Variants in FOXL3 observed in about 807,000 individuals in gnomAD.
FOXL3 encodes forkhead box protein L3.
Under a neutral mutation model 10.9 loss-of-function variants are expected in FOXL3, and 16 were observed. The observed-to-expected ratio is 1.46, with a 90% CI of 0.99 to 2.22. The LOEUF (loss-of-function observed/expected upper bound fraction) is 2.22. Among genes scored for constraint, FOXL3 ranks in the 30% most tolerant of loss-of-function variants. The pLI is 0.00. For synonymous variants in FOXL3, 170 were observed against 152.0 expected (o/e 1.12, Z -0.87); for missense variants, 400 against 337.9 (o/e 1.18, Z -1.44).
In FOXL3 at chr7:290,228, C is replaced by T; in HGVS notation, c.59C>T (p.Pro20Leu). The T allele has an allele frequency of 6.5e-7, 1 of 1,535,976 alleles. No homozygotes were observed. The highest frequency in any genetic ancestry group is 8.7e-7 in the Non-Finnish European group (1 of 1,146,784). Reference sequence around the variant, plus strand: ...TTCAATTACGACGCCGACGACTACCCCGCCGGCAGCTCCGACGAAGACAAG... The same window carrying T: ...TTCAATTACGACGCCGACGACTACCTCGCCGGCAGCTCCGACGAAGACAAG... ...NCFNYDADDY[P>L]AGSSDEDKRL... Residue 20 changes from proline (P) to leucine (L), a missense_variant, in exon 1 of 3, where the codon CCC (proline) becomes CTC (leucine). Coordinates refer to ENST00000506382, the MANE Select transcript of FOXL3 (RefSeq NM_001374838.1).
At position 290,834 on chromosome 7, in the gene FOXL3, C is replaced by G; in HGVS notation, c.276+13C>G. The G allele has an allele frequency of 7.1e-7, 1 of 1,417,366 alleles. No homozygotes were observed. Among genetic ancestry groups the G allele is most frequent in the Non-Finnish European group, 9.2e-7 (1 of 1,088,464 alleles). The allele number at this position is 1,417,366 out of a possible 1,614,324, so 87.8% of individuals were successfully genotyped here. A position where few individuals can be genotyped will look rare whatever the true frequency, so the allele number is the denominator to read the frequency against. On this transcript the variant is annotated intron_variant, in intron 2 of 2. Coordinates refer to ENST00000506382, the MANE Select transcript of FOXL3 (RefSeq NM_001374838.1). ...CTGCTTCGTCAAGGTGAGCGCCGCC[C>G]CCGACGGGCCCCGGGTGTCCCAGCG...
chr7:290,331 G>A, intron 1 of FOXL3, 55 bp downstream of exon 1: 1 of 1,380,466 alleles, frequency 7.2e-7, no homozygotes, highest in East Asian at 2.5e-5. Context: ...CCCTGCAAGG[G>A]TCCCAGGTAG....
In FOXL3 at chr7:290,270, C is replaced by T. The variant is rs1778610951; in HGVS notation, c.101C>T (p.Ala34Val). 6.5e-7 allele frequency: 1 copy of T among 1,535,504 alleles called. No homozygotes were observed. The highest frequency in any genetic ancestry group is 8.7e-7 in the Non-Finnish European group (1 of 1,146,548). Residue 34 changes from alanine (A) to valine (V), a missense_variant, in exon 1 of 3, where the codon GCG becomes GTG. Transcript: ENST00000506382. ...GAAGACAAGAGGCTCACGCGGCCCG[C>T]GTACAGGTGACTGCGGGGGCGGTGC... ...SDEDKRLTRP[A>V]YSYIALIAMA... is the part of the protein sequence containing the mutation.
chr7:290,990 GC>G, intron 2 of FOXL3, 72 bp from the exon 3 acceptor site: 1 of 1,298,510 alleles, frequency 7.7e-7, no homozygotes, highest in Non-Finnish European at 9.8e-7. Context: ...GGTCCAGGGC[GC>G]CCCGAGGGGA....
rs1017421023 is a variant in FOXL3 at position 291,281 on chromosome 7, G to A, written c.495G>A (p.Pro165=). The A allele has an allele frequency of 2.5e-6, 3 of 1,217,872 alleles. No individual in the cohort carries two copies. The highest frequency in any genetic ancestry group is 4.4e-5 in the Admixed American group (1 of 22,966). 75.4% of individuals were successfully genotyped at this position (1,217,872 alleles called of 1,614,324 possible). A position where few individuals can be genotyped will look rare whatever the true frequency, so the allele number is the denominator to read the frequency against. The change falls in exon 3 of 3, where the codon CCG becomes CCA. Residue 165 remains proline (P), a synonymous_variant. Transcript: ENST00000506382. ...CCGCCGCTCAGGGGCGCCTGGCCCC[G>A]GACAGCGCTGGCGAGGGCGCCCCGG... ...EPPAAQGRLA[P]DSAGEGAPGR...
At chr7:290,906 C>G (rs1778630910) in intron 2 of FOXL3, 85 bp downstream of exon 2, 2 of 1,307,794 alleles carry the variant, frequency 1.5e-6, no homozygotes, top group African/African-American at 1.6e-5. Context: ...GGGAGGGCAC[C>G]GCGGCGGCTT....
chr7:290,984 C>T, intron 2 of FOXL3, 79 bp from the exon 3 acceptor site: 1 of 1,294,218 alleles, frequency 7.7e-7, no homozygotes, highest in African/African-American at 1.6e-5. Context: ...CGCCCCGGTC[C>T]AGGGCGCCCC....
chr7:290,326 C>A, intron 1 of FOXL3, 50 bp downstream of exon 1: 3 of 1,406,382 alleles, frequency 2.1e-6, no homozygotes, highest in Non-Finnish European at 2.9e-6. Context: ...ACACCCCCTG[C>A]AAGGGTCCCA....
chr7:291,296 G>A lies in FOXL3; in HGVS notation c.510G>A (p.Glu170=). 8.1e-7 allele frequency: 1 copy of A among 1,240,590 alleles called. No individual in the cohort carries two copies. The highest frequency in any genetic ancestry group is 1.0e-6 in the Non-Finnish European group (1 of 991,042). The allele number at this position is 1,240,590 out of a possible 1,614,324, so 76.8% of individuals were successfully genotyped here. Residue 170 remains glutamate (E), a synonymous_variant, in exon 3 of 3, where the codon GAG becomes GAA. Transcript: ENST00000506382. ...GCCTGGCCCCGGACAGCGCTGGCGA[G>A]GGCGCCCCGGGCCGTGAGCCCCCCG... ...QGRLAPDSAG[E]GAPGREPPAS...
At position 290,196 on chromosome 7, in the gene FOXL3, C is replaced by G; in HGVS notation, c.27C>G (p.Tyr9Ter). Residue 9 changes from tyrosine to a stop codon, truncating the protein, a stop_gained, in exon 1 of 3, where the codon TAC becomes TAG. Coordinates refer to ENST00000506382, the MANE Select transcript of FOXL3 (RefSeq NM_001374838.1). LOFTEE classifies it high-confidence loss of function. The part of the protein sequence containing the change: MFDSSQYP[Y>*]NCFNYDADDY... ...TGTTTGACAGCTCGCAGTATCCCTA[C>G]AACTGCTTCAATTACGACGCCGACG... 6.5e-7 allele frequency: 1 copy of G among 1,535,890 alleles called. No homozygotes were observed. The highest frequency in any genetic ancestry group is 8.7e-7 in the Non-Finnish European group (1 of 1,146,702).
chr7:291,195 G>C lies in FOXL3; in HGVS notation c.409G>C (p.Glu137Gln). ...RRRRRRGPKR[E>Q]GPRGPRAGGA... The stretch of plus-strand genomic sequence containing the variant: ...GCGGCGGCGGCGCGGCCCCAAGCGC[G>C]AGGGGCCGAGGGGTCCGCGCGCGGG... The change falls in exon 3 of 3, where the codon GAG becomes CAG. Residue 137 changes from glutamate (E) to glutamine (Q), a missense_variant. Coordinates refer to ENST00000506382, the MANE Select transcript of FOXL3 (RefSeq NM_001374838.1). 2.5e-6 allele frequency: 3 copies of C among 1,187,746 alleles called. No homozygotes were observed. The highest frequency in any genetic ancestry group is 3.1e-6 in the Non-Finnish European group (3 of 961,108). The allele number at this position is 1,187,746 out of a possible 1,614,324, so 73.6% of individuals were successfully genotyped here.
chr7:290,905 C>T, intron 2 of FOXL3, 84 bp downstream of exon 2: 1 of 1,309,604 alleles, frequency 7.6e-7, no homozygotes, highest in Non-Finnish European at 9.7e-7. Context: ...AGGGAGGGCA[C>T]CGCGGCGGCT....
Position 291,372 on chromosome 7 carries a change from A to G in FOXL3, c.586A>G (p.Ile196Val). Residue 196 changes from isoleucine to valine, a missense_variant, in exon 3 of 3, where the codon ATC (isoleucine) becomes GTC (valine). Coordinates refer to ENST00000506382, the MANE Select transcript of FOXL3 (RefSeq NM_001374838.1). ...KEHPRDLKFS[I>V]DYILSSPDPF... ...GCACCCCCGGGACCTCAAGTTCAGCATCGACTACATCCTGTCCTCCCCAGA... is the reference window on the plus strand; with the variant it reads ...GCACCCCCGGGACCTCAAGTTCAGCGTCGACTACATCCTGTCCTCCCCAGA... The G allele has an allele frequency of 7.6e-7, 1 of 1,319,548 alleles. No individual in the cohort carries two copies. Among genetic ancestry groups the G allele is most frequent in the South Asian group, 2.2e-5 (1 of 45,938 alleles). 81.7% of individuals were successfully genotyped at this position (1,319,548 alleles called of 1,614,324 possible).
In FOXL3 at chr7:291,152, C is replaced by G; in HGVS notation, c.366C>G (p.Asn122Lys). The change falls in exon 3 of 3, where the codon AAC (asparagine) becomes AAG (lysine). Residue 122 changes from asparagine to lysine, a missense_variant. By Grantham distance (94) the Asn-to-Lys change is moderately conservative (BLOSUM62 0). Transcript: ENST00000506382. ...AGTCGCTGCTGGACCTCTTCGAGAA[C>G]GGCAACTACCGGCGGCGGCGGCGGC... ...GCESLLDLFE[N>K]GNYRRRRRRR... The G allele has an allele frequency of 7.6e-7, 1 of 1,314,908 alleles. No individual in the cohort carries two copies. Among genetic ancestry groups the G allele is most frequent in the East Asian group, 3.3e-5 (1 of 30,248 alleles). 81.5% of individuals were successfully genotyped at this position (1,314,908 alleles called of 1,614,324 possible).
intron 1 of FOXL3, 127 bp from the exon 2 acceptor site, chr7:290,526 G>T: frequency 9.8e-7 from 1 of 1,019,336 alleles, no homozygotes; most frequent in Non-Finnish European, 1.4e-6. Flanking sequence ...GGGACCGCGA[G>T]CTGCGGGGAC....
intron 1 of FOXL3, 130 bp downstream of exon 1, chr7:290,406 A>C (rs1778614857): frequency 1.1e-6 from 1 of 873,102 alleles, no homozygotes; most frequent in African/African-American, 1.7e-5. Flanking sequence ...CGGAGCTCAG[A>C]GAAAGGACGC....
chr7:290,993 C>T, intron 2 of FOXL3, 70 bp from the exon 3 acceptor site: 1 of 1,313,268 alleles, frequency 7.6e-7, no homozygotes, highest in Admixed American at 4.2e-5. Flanking sequence ...CCAGGGCGCC[C>T]CGAGGGGACA....
chr7:290,419 T>A (rs1208330764), intron 1 of FOXL3, 143 bp downstream of exon 1: 1 of 831,848 alleles, frequency 1.2e-6, no homozygotes, highest in Non-Finnish European at 1.9e-6. Context: ...AAGGACGCAT[T>A]TGTCCCTACT....
Position 290,217 on chromosome 7 carries a change from C to A in FOXL3, c.48C>A (p.Ala16=). The change falls in exon 1 of 3, where the codon GCC becomes GCA. Residue 16 remains alanine, a synonymous_variant. Transcript: ENST00000506382. Reference sequence around the variant, plus strand: ...CCTACAACTGCTTCAATTACGACGCCGACGACTACCCCGCCGGCAGCTCCG... The same window carrying A: ...CCTACAACTGCTTCAATTACGACGCAGACGACTACCCCGCCGGCAGCTCCG... ...QYPYNCFNYD[A]DDYPAGSSDE... is the part of the protein sequence containing the mutation. 9 of 1,535,986 alleles carry A rather than the reference C, an allele frequency of 5.9e-6. No homozygotes were observed. The highest frequency in any genetic ancestry group is 7.8e-6 in the Non-Finnish European group (9 of 1,146,800).
Sources: allele counts gnomAD v4.1 joint callset, GRCh38; gene constraint gnomAD v4.1.1; transcripts MANE v1.5; gene names NCBI Gene and HGNC (gene_info 2026-07-23, HGNC 2026-07-21).